SPEF2: variants seen among roughly 807,000 people sequenced by gnomAD.
SPEF2 encodes sperm flagella and cilia-associated protein 2.
In SPEF2, 187 loss-of-function variants were observed where a neutral mutation model predicts 224.6. That is an observed-to-expected ratio of 0.83 (90% confidence interval 0.74 to 0.94). The LOEUF (loss-of-function observed/expected upper bound fraction) is 0.94. Among genes scored for constraint, SPEF2 ranks in the 40% least tolerant of loss-of-function variants. The pLI is 0.00. For missense variants in SPEF2, 2,170 were observed against 2,135.6 expected (o/e 1.02, Z -0.32); for synonymous variants, 715 against 707.3 (o/e 1.01, Z -0.17).
Position 35,649,387 on chromosome 5 carries a change from C to T in SPEF2, c.753C>T (p.Phe251=), listed in dbSNP as rs112202508. The change falls in exon 6 of 37, where the codon TTC becomes TTT. Residue 251 remains phenylalanine (F), a synonymous_variant. Transcript: ENST00000356031. ...ATGTGGCTGATGAAATTAAGAAGTT[C>T]GAAGCATTAATAAAAAAGGATCTCC... ...AEDVADEIKK[F]EALIKKDLQA... The T allele has an allele frequency of 3.6e-5, 58 of 1,611,324 alleles. No individual in the cohort carries two copies. Among genetic ancestry groups the T allele is most frequent in the African/African-American group, 1.6e-4 (12 of 74,796 alleles).
intron 20 of SPEF2, among the ~76,000 whole-genome samples, chr5:35,726,990 C>CT (rs70973056): frequency 0.69 from 101,373 of 147,910 alleles, 35,291 homozygotes; most frequent in Middle Eastern, 0.75. Flanking sequence ...GCACCCCCCC[C>CT]CTTTCCTCCC....
Position 35,726,594 on chromosome 5 carries a change from C to G in SPEF2, c.2915-1081C>G, listed in dbSNP as rs575160988. 3.3e-5 allele frequency among the ~76,000 whole-genome samples: 5 copies of G among 152,256 alleles called. No homozygotes were observed. In the South Asian group the frequency reaches 8.3e-4, roughly 25 times the overall value. ...TAACAATTTCTCCTCTACTTATAAT[C>G]TACTTATTTTTAACTAACATAAAAG... On this transcript the variant is annotated intron_variant, in intron 20 of 36. Coordinates refer to ENST00000356031, the MANE Select transcript of SPEF2 (RefSeq NM_024867.4).
intron 14 of SPEF2, 129 bp downstream of exon 14, chr5:35,695,925 G>C: frequency 1.7e-6 from 1 of 590,038 alleles, no homozygotes; most frequent in Admixed American, 3.5e-5. Context: ...TAATTTGATG[G>C]TATAATATTA....
Position 35,754,308 on chromosome 5 carries a change from A to G in SPEF2, c.3468+547A>G, listed in dbSNP as rs570374869. On this transcript the variant is annotated intron_variant, in intron 24 of 36. Transcript: ENST00000356031. ...AAGACAGGTGCTGATTTTATTCGACACTATTGTCAGCAATAGGGGAGAAAG... is the reference window on the plus strand; with the variant it reads ...AAGACAGGTGCTGATTTTATTCGACGCTATTGTCAGCAATAGGGGAGAAAG... Among the ~76,000 whole-genome samples the G allele has an allele frequency of 1.7e-3, 255 of 152,340 alleles. 1 individual carries two copies. Among genetic ancestry groups the G allele is most frequent in the Non-Finnish European group, 2.6e-3 (177 of 68,026 alleles).
At chr5:35,765,064 A>G (rs891286917) in intron 26 of SPEF2, among the ~76,000 whole-genome samples, 1 of 152,086 alleles carries the variant, frequency 6.6e-6, no homozygotes, top group Admixed American at 6.6e-5. Flanking sequence ...TTTCTAACCC[A>G]CTTCGAATTC....
intron 30 of SPEF2, among the ~76,000 whole-genome samples, chr5:35,782,785 G>GA (rs1754522926): frequency 6.6e-6 from 1 of 152,028 alleles, no homozygotes; most frequent in Admixed American, 6.6e-5. Context: ...ACATAAAATT[G>GA]AAAAGCATCA....
At chr5:35,641,238 A>G (rs528158548) in intron 2 of SPEF2, among the ~76,000 whole-genome samples, 193 bp from the exon 3 acceptor site, 1 of 152,196 alleles carries the variant, frequency 6.6e-6, no homozygotes, top group Non-Finnish European at 1.5e-5. Context: ...AAATGAATGC[A>G]TAGAGTTCAG....
chr5:35,802,545 G>GA (rs1340338789), intron 34 of SPEF2, among the ~76,000 whole-genome samples: 1 of 152,128 alleles, frequency 6.6e-6, no homozygotes, highest in Non-Finnish European at 1.5e-5. Context: ...GAATGCAGGG[G>GA]GAAAATACAG....
At chr5:35,788,036 CG>C (rs1022321481) in intron 30 of SPEF2, 1 of 702,642 alleles carries the variant, frequency 1.4e-6, no homozygotes, top group Non-Finnish European at 2.6e-6. Flanking sequence ...CGCCTTGTGT[CG>C]TAAGCATGGA....
At chr5:35,630,328 C>T (rs1455104433) in intron 2 of SPEF2, among the ~76,000 whole-genome samples, 1 of 152,152 alleles carries the variant, frequency 6.6e-6, no homozygotes, top group Non-Finnish European at 1.5e-5. Flanking sequence ...AGGGTTCTGA[C>T]CCCACATTTC....
Position 35,759,632 on chromosome 5 carries a change from G to A in SPEF2, c.3533G>A (p.Ser1178Asn). The stretch of plus-strand genomic sequence containing the variant: ...CAAGATTATTACTGGGGAATGGAAA[G>A]TAAAATCCCAGTAGAGGACAACAAG... Reference protein sequence around the residue: ...LLQDYYWGMESKIPVEDNKRF... With the variant: ...LLQDYYWGMENKIPVEDNKRF... The change falls in exon 25 of 37, where the codon AGT becomes AAT. Residue 1178 changes from serine (S) to asparagine (N), a missense_variant. By Grantham distance (46) the Ser-to-Asn change is conservative. Coordinates refer to ENST00000356031, the MANE Select transcript of SPEF2 (RefSeq NM_024867.4). 6.2e-7 allele frequency: 1 copy of A among 1,612,162 alleles called. No individual in the cohort carries two copies. Among genetic ancestry groups the A allele is most frequent in the Non-Finnish European group, 8.5e-7 (1 of 1,178,666 alleles).
At chr5:35,809,469 G>A (rs1758406475) in intron 36 of SPEF2, among the ~76,000 whole-genome samples, 1 of 152,136 alleles carries the variant, frequency 6.6e-6, no homozygotes, top group South Asian at 2.1e-4. Flanking sequence ...CAGGGTTTGG[G>A]AAAGTGGAGA....
rs1745694542 is a variant in SPEF2, at chr5:35,635,390, G to GGTAGTGCTTGCA, written c.162-6039_162-6028dup. On this transcript the variant is annotated intron_variant, in intron 2 of 36. Coordinates refer to ENST00000356031, the MANE Select transcript of SPEF2 (RefSeq NM_024867.4). ...CCCATTTACCCTGAGAACACTAGCT[G>GGTAGTGCTTGCA]GTAGTGCTTGCAGCTATAGCATTTA... Among the ~76,000 whole-genome samples, 6 of 150,138 alleles carry GGTAGTGCTTGCA rather than the reference G, an allele frequency of 4.0e-5. No individual in the cohort carries two copies. In the South Asian group the frequency reaches 1.2e-3, roughly 31 times the overall value.
chr5:35,791,034 A>AT (rs1755881251), intron 30 of SPEF2: 1 of 152,160 alleles, frequency 6.6e-6, no homozygotes, highest in Non-Finnish European at 1.5e-5. Flanking sequence ...AGCTTACAAG[A>AT]TTTTTAAAAT....
At position 35,659,181 on chromosome 5, in the gene SPEF2, T is replaced by C. The variant is rs1302106476; in HGVS notation, c.1141T>C (p.Phe381Leu). ...ACATGAGGAAAGACGACTTAAAGAT[T>C]TCCAGGATGCTCTTGATCGAGAAGC... The part of the protein sequence containing the change: ...KQHEERRLKD[F>L]QDALDREAAL... Residue 381 changes from phenylalanine to leucine, a missense_variant, in exon 8 of 37, where the codon TTC (phenylalanine) becomes CTC (leucine). Transcript: ENST00000356031. The C allele has an allele frequency of 2.5e-6, 4 of 1,611,252 alleles. No individual in the cohort carries two copies. The African/African-American group carries it at 5.3e-5, about 22-fold the overall frequency.
At position 35,705,747 on chromosome 5, in the gene SPEF2, A is replaced by G. The variant is rs199557222; in HGVS notation, c.2604A>G (p.Glu868=). Residue 868 remains glutamate, a synonymous_variant, in exon 18 of 37, where the codon GAA becomes GAG. Transcript: ENST00000356031. ...LIKINAEIDK[E]SLCEKVKEIL... ...AAATCAATGCTGAAATAGATAAGGA[A>G]TCTTTATGTGAAAAAGTAAAAGAAA... The G allele has an allele frequency of 1.6e-4, 245 of 1,562,346 alleles. 1 individual carries two copies. The African/African-American group carries it at 3.1e-3, about 20-fold the overall frequency.
chr5:35,788,073 AT>A (rs1426713754), intron 30 of SPEF2: 16 of 702,612 alleles, frequency 2.3e-5, no homozygotes, highest in Non-Finnish European at 1.8e-5. Flanking sequence ...AGTCAAGTGA[AT>A]TTTTTTTATG....
intron 34 of SPEF2, among the ~76,000 whole-genome samples, chr5:35,802,074 CAG>C (rs3061407): frequency 0.18 from 27,388 of 152,120 alleles, 3,083 homozygotes; most frequent in African/African-American, 0.32. Context: ...ATGCCCCAAA[CAG>C]GGGGGAGCAT....
In SPEF2 at chr5:35,684,581, C is replaced by A. The variant is rs190410570; in HGVS notation, c.1525-6456C>A. 5.2e-3 allele frequency among the ~76,000 whole-genome samples: 791 copies of A among 152,310 alleles called. 6 individuals are homozygous for A. The highest frequency in any genetic ancestry group is 0.018 in the African/African-American group (752 of 41,560). On this transcript the variant is annotated intron_variant, in intron 10 of 36. Transcript: ENST00000356031. ...TGGCGCTCTTACATGCCTCCAGCAG[C>A]TGCCTGAGAACTCCTAAACTGTTTA...
Sources: allele counts gnomAD v4.1 joint callset (sites outside exome capture counted in the v4.1 genomes callset), GRCh38; gene constraint gnomAD v4.1.1; transcripts MANE v1.5; gene names NCBI Gene and HGNC (gene_info 2026-07-23, HGNC 2026-07-21).